EIF3J: variants seen among roughly 807,000 people sequenced by gnomAD.
The protein encoded by EIF3J is eukaryotic translation initiation factor 3 subunit J.
A neutral mutation model predicts 39.0 loss-of-function variants in EIF3J; 15 were observed. That is an observed-to-expected ratio of 0.38 (90% CI 0.26 to 0.59). The LOEUF (loss-of-function observed/expected upper bound fraction) is 0.59. Among genes scored for constraint, EIF3J ranks in the 20% least tolerant of loss-of-function variants. The pLI, the probability that EIF3J is intolerant of heterozygous loss-of-function variation, is 0.60. For synonymous variants in EIF3J, 98 were observed against 112.9 expected (o/e 0.87, Z 0.84); for missense variants, 226 against 308.6 (o/e 0.73, Z 2.00).
rs1385994232 is a variant in EIF3J, at chr15:44,561,245, A to G, written c.*96A>G. The G allele has an allele frequency of 7.1e-7, 1 of 1,406,338 alleles. No homozygotes were observed. The highest frequency in any genetic ancestry group is 9.6e-7 in the Non-Finnish European group (1 of 1,037,000). 87.1% of individuals were successfully genotyped at this position (1,406,338 alleles called of 1,614,324 possible). On this transcript the variant is annotated 3_prime_UTR_variant, in exon 8 of 8. Transcript: ENST00000261868. ...CCTTTCAGTTCTGCCAAATGCTACA[A>G]TCAGAAGTGCAGTATCTTTTGTGCT... is the stretch of plus-strand genomic sequence containing the variant.
At chr15:44,554,802 G>T (rs1040127992) in intron 5 of EIF3J, 135 bp downstream of exon 5, 9 of 504,426 alleles carry the variant, frequency 1.8e-5, no homozygotes, top group African/African-American at 1.6e-4. Flanking sequence ...TTTAATCTCT[G>T]TGTATATTTG....
chr15:44,538,504 G>C lies in EIF3J; in HGVS notation c.147+1077G>C, dbSNP rs1012694321. On this transcript the variant is annotated intron_variant, in intron 2 of 7. Coordinates refer to ENST00000261868, the MANE Select transcript of EIF3J (RefSeq NM_003758.4). Reference sequence around the variant, plus strand: ...CTATAAATCCTGCCTGGGCTGAAAAGTTTAAGCTAGATAATCACTATGAAC... The same window carrying C: ...CTATAAATCCTGCCTGGGCTGAAAACTTTAAGCTAGATAATCACTATGAAC... Among the ~76,000 whole-genome samples the C allele has an allele frequency of 1.1e-4, 17 of 152,208 alleles. 1 individual carries two copies. The highest frequency in any genetic ancestry group is 4.4e-5 in the Non-Finnish European group (3 of 68,000).
rs959951623 is a variant in EIF3J at position 44,562,023 on chromosome 15, A to T, written c.*874A>T. Reference sequence around the variant, plus strand: ...CAGTTTGGTAAATTGTTATGTTAACAATTATGACATCTGCAATGTTTTATA... The same window carrying T: ...CAGTTTGGTAAATTGTTATGTTAACTATTATGACATCTGCAATGTTTTATA... On this transcript the variant is annotated 3_prime_UTR_variant, in exon 8 of 8. Coordinates refer to ENST00000261868, the MANE Select transcript of EIF3J (RefSeq NM_003758.4). 6.6e-6 allele frequency: 1 copy of T among 152,650 alleles called. No individual in the cohort carries two copies. The highest frequency in any genetic ancestry group is 2.4e-5 in the African/African-American group (1 of 41,454). The allele number at this position is 152,650 out of a possible 1,614,324, so 9.5% of individuals were successfully genotyped here.
intron 3 of EIF3J, 87 bp downstream of exon 3, chr15:44,551,017 A>T: frequency 1.3e-6 from 2 of 1,499,462 alleles, no homozygotes; most frequent in Non-Finnish European, 1.8e-6. Flanking sequence ...GAACGCTCAC[A>T]AAATGGAACA....
intron 5 of EIF3J, among the ~76,000 whole-genome samples, chr15:44,556,803 C>T (rs1180447112): frequency 6.6e-6 from 1 of 151,478 alleles, no homozygotes; most frequent in Non-Finnish European, 1.5e-5. Flanking sequence ...TTAGCCACTG[C>T]GTCTGGCCAC....
chr15:44,550,770 CA>C (rs1197548994), intron 2 of EIF3J, 105 bp from the exon 3 acceptor site: 21 of 813,242 alleles, frequency 2.6e-5, no homozygotes, highest in Admixed American at 1.6e-4. Flanking sequence ...TAATGCAGTA[CA>C]AAAAAATACC....
intron 2 of EIF3J, among the ~76,000 whole-genome samples, chr15:44,541,270 C>T (rs1224452486): frequency 1.3e-5 from 2 of 152,168 alleles, no homozygotes; most frequent in Non-Finnish European, 2.9e-5. Context: ...GACACAAGGA[C>T]AACATAACTT....
At chr15:44,551,835 GT>G (rs576307927) in intron 4 of EIF3J, among the ~76,000 whole-genome samples, 51 of 142,942 alleles carry the variant, frequency 3.6e-4, no homozygotes, top group Admixed American at 4.9e-4. Flanking sequence ...GTTGTTTTTT[GT>G]TTTTTTTTTT....
rs897458597 is a variant in EIF3J, at chr15:44,549,169, G to A, written c.148-1707G>A. On this transcript the variant is annotated intron_variant, in intron 2 of 7. Transcript: ENST00000261868. ...AGCACTTCGGGAGGCTGAGGTGGGC[G>A]GATCACCTGAGGTTGGGAGTTCGAG... 2.6e-4 allele frequency among the ~76,000 whole-genome samples: 40 copies of A among 152,032 alleles called. 1 individual carries two copies. Among genetic ancestry groups the A allele is most frequent in the African/African-American group, 2.2e-4 (9 of 41,370 alleles).
chr15:44,547,315 G>A (rs1193775839), intron 2 of EIF3J, among the ~76,000 whole-genome samples: 4 of 148,092 alleles, frequency 2.7e-5, no homozygotes, highest in African/African-American at 7.5e-5. Context: ...AGCTAATTTT[G>A]TATTTTTAGT....
chr15:44,542,235 A>C (rs1643882105), intron 2 of EIF3J, among the ~76,000 whole-genome samples: 1 of 152,176 alleles, frequency 6.6e-6, no homozygotes, highest in Non-Finnish European at 1.5e-5. Flanking sequence ...GCTTTTAAAA[A>C]ACTGAACTTT....
At chr15:44,547,575 A>T (rs2140894819) in intron 2 of EIF3J, among the ~76,000 whole-genome samples, 1 of 150,822 alleles carries the variant, frequency 6.6e-6, no homozygotes, top group African/African-American at 2.4e-5. Flanking sequence ...TCAGCCCCCA[A>T]GTAGTTGGGA....
chr15:44,540,546 T>A (rs1374510035), intron 2 of EIF3J, among the ~76,000 whole-genome samples: 4 of 151,752 alleles, frequency 2.6e-5, no homozygotes, highest in Non-Finnish European at 4.4e-5. Flanking sequence ...GTGCTGAGAT[T>A]ACAGGTGTGA....
chr15:44,560,443 T>A, intron 7 of EIF3J, 121 bp downstream of exon 7: 1 of 850,624 alleles, frequency 1.2e-6, no homozygotes, highest in Non-Finnish European at 1.8e-6. Context: ...TAATACCATT[T>A]AAGTTAGACT....
intron 4 of EIF3J, among the ~76,000 whole-genome samples, 199 bp from the exon 5 acceptor site, chr15:44,554,354 G>C (rs990149857): frequency 6.8e-6 from 1 of 146,962 alleles, no homozygotes; most frequent in South Asian, 2.1e-4. Context: ...TCCAGCCTTG[G>C]TGGCAGAGTG....
intron 2 of EIF3J, among the ~76,000 whole-genome samples, chr15:44,549,707 C>T (rs2082082486): frequency 7.7e-6 from 1 of 130,388 alleles, no homozygotes; most frequent in African/African-American, 3.0e-5. Context: ...GCAGAGGTTG[C>T]AGTGAGCTGA....
At chr15:44,539,684 G>A (rs191501301) in intron 2 of EIF3J, among the ~76,000 whole-genome samples, 5 of 151,092 alleles carry the variant, frequency 3.3e-5, no homozygotes, top group East Asian at 2.0e-4. Flanking sequence ...ACAGGCGTGA[G>A]CCACCACACC....
At chr15:44,537,719 C>T (rs2140886867) in intron 2 of EIF3J, among the ~76,000 whole-genome samples, 1 of 152,342 alleles carries the variant, frequency 6.6e-6, no homozygotes, top group African/African-American at 2.4e-5. Flanking sequence ...GTGCAAGCTT[C>T]GCGGTCCGGA....
intron 5 of EIF3J, among the ~76,000 whole-genome samples, chr15:44,557,221 C>A (rs1334854237): frequency 6.6e-6 from 1 of 151,960 alleles, no homozygotes; most frequent in African/African-American, 2.4e-5. Context: ...TTTGCTAATA[C>A]CACTGTGATT....
Sources: allele counts gnomAD v4.1 joint callset (sites outside exome capture counted in the v4.1 genomes callset), GRCh38; gene constraint gnomAD v4.1.1; transcripts MANE v1.5; gene names NCBI Gene and HGNC (gene_info 2026-07-23, HGNC 2026-07-21).